KIAA1217: variants seen among roughly 807,000 people sequenced by gnomAD.
KIAA1217 encodes KIAA1217, also known as sickle tail protein homolog.
In KIAA1217, 88 loss-of-function variants were observed where a neutral mutation model predicts 163.9. That is an observed-to-expected ratio of 0.54 (90% confidence interval 0.45 to 0.64). KIAA1217 has a LOEUF of 0.64. Among genes scored for constraint, KIAA1217 ranks in the 30% least tolerant of loss-of-function variants. The pLI, the probability that KIAA1217 is intolerant of heterozygous loss-of-function variation, is 0.00. For missense variants in KIAA1217, 2,372 were observed against 2,475.0 expected (o/e 0.96, Z 0.88); for synonymous variants, 903 against 923.1 (o/e 0.98, Z 0.39).
intron 2 of KIAA1217, among the ~76,000 whole-genome samples, chr10:24,073,342 G>T (rs1589396626): frequency 6.6e-6 from 1 of 152,110 alleles, no homozygotes; most frequent in Non-Finnish European, 1.5e-5. Context: ...CTGTGGAAGA[G>T]GAGGTGCCTA....
chr10:23,697,404 A>G (rs772144404), intron 1 of KIAA1217, among the ~76,000 whole-genome samples: 4 of 152,200 alleles, frequency 2.6e-5, no homozygotes, highest in Non-Finnish European at 4.4e-5. Context: ...TTAAACACAT[A>G]TATGGAAGAC....
chr10:24,501,448 C>T lies in KIAA1217; in HGVS notation c.1904C>T (p.Pro635Leu), dbSNP rs1395972665. The T allele has an allele frequency of 1.2e-6, 2 of 1,613,976 alleles. No homozygotes were observed. The highest frequency in any genetic ancestry group is 2.2e-5 in the East Asian group (1 of 44,888). ...TCCACGGTGCCTCCCAGCCAGCCTC[C>T]ACCTGTGGGCACCTCAGCCATCCAC... ...LESTVPPSQP[P>L]PVGTSAIHMS... is the part of the protein sequence containing the mutation. Residue 635 changes from proline to leucine, a missense_variant, in exon 9 of 21, where the codon CCA (proline) becomes CTA (leucine). Pro to Leu is a moderately conservative substitution (Grantham distance 98). Around this residue, in one of 3 missense-constraint regions of KIAA1217, gnomAD observed 1,431 missense variants for 1,470.3 expected, o/e 0.97. Coordinates refer to ENST00000376454, the MANE Select transcript of KIAA1217 (RefSeq NM_019590.5).
At chr10:23,910,331 A>C (rs1037896035) in intron 1 of KIAA1217, among the ~76,000 whole-genome samples, 3 of 152,116 alleles carry the variant, frequency 2.0e-5, no homozygotes, top group African/African-American at 7.2e-5. Flanking sequence ...CTAAGGGAAA[A>C]AGTAGATAAG....
Position 24,339,378 on chromosome 10 carries a change from T to C in KIAA1217, c.355-41491T>C, listed in dbSNP as rs568820484. Among the ~76,000 whole-genome samples the C allele has an allele frequency of 3.9e-4, 60 of 152,324 alleles. 1 individual carries two copies. The South Asian group carries it at 7.7e-3, about 19-fold the overall frequency. On this transcript the variant is annotated intron_variant, in intron 2 of 20. Transcript: ENST00000376454. Reference sequence around the variant, plus strand: ...CATTAGTTATTACTTAATTTCAATATAAAGAAAATTATACTTCTGAGTGGA... The same window carrying C: ...CATTAGTTATTACTTAATTTCAATACAAAGAAAATTATACTTCTGAGTGGA...
chr10:24,368,933 G>C, intron 2 of KIAA1217: 8 of 817,392 alleles, frequency 9.8e-6, no homozygotes, highest in Non-Finnish European at 1.2e-5. Flanking sequence ...ACTTTATCAA[G>C]TAGATATTCT....
At chr10:24,532,990 G>A in intron 15 of KIAA1217, 80 bp from the exon 16 acceptor site, 1 of 1,309,778 alleles carries the variant, frequency 7.6e-7, no homozygotes, top group Admixed American at 2.1e-5. Context: ...TCTAGACAGT[G>A]AGGGACCATA....
chr10:24,010,473 C>T (rs1427471536), intron 2 of KIAA1217, among the ~76,000 whole-genome samples: 3 of 141,240 alleles, frequency 2.1e-5, no homozygotes, highest in Non-Finnish European at 4.7e-5. Context: ...AATAACTGAT[C>T]GATCCTTTTT....
chr10:23,723,229 G>T (rs1837961425), intron 1 of KIAA1217, among the ~76,000 whole-genome samples: 1 of 151,968 alleles, frequency 6.6e-6, no homozygotes, highest in African/African-American at 2.4e-5. Flanking sequence ...ATCTCTTTCT[G>T]CACTGACTGG....
intron 1 of KIAA1217, among the ~76,000 whole-genome samples, chr10:23,715,260 T>A (rs188293434): frequency 7.2e-5 from 11 of 152,310 alleles, no homozygotes; most frequent in Non-Finnish European, 8.8e-5. Flanking sequence ...CAACTGTTAT[T>A]TGCATGATTA....
At chr10:23,967,496 C>A (rs182087913) in intron 1 of KIAA1217, among the ~76,000 whole-genome samples, 2 of 151,862 alleles carry the variant, frequency 1.3e-5, no homozygotes, top group African/African-American at 2.4e-5. Flanking sequence ...ATACAAATGG[C>A]CAATACATAA....
At chr10:24,247,925 A>C (rs939021053) in intron 2 of KIAA1217, among the ~76,000 whole-genome samples, 6 of 152,266 alleles carry the variant, frequency 3.9e-5, no homozygotes, top group African/African-American at 9.6e-5. Flanking sequence ...CATCATATGC[A>C]TATAACATTT....
chr10:24,442,570 A>C (rs1034510252), intron 5 of KIAA1217, among the ~76,000 whole-genome samples: 11 of 152,088 alleles, frequency 7.2e-5, no homozygotes, highest in African/African-American at 2.7e-4. Flanking sequence ...TGAAGAAAAA[A>C]TTCCTAATCT....
In KIAA1217 at chr10:23,754,961, AC is replaced by A. The variant is rs1454175276; in HGVS notation, c.-321+59728del. Among the ~76,000 whole-genome samples the A allele has an allele frequency of 5.9e-5, 9 of 151,458 alleles. No homozygotes were observed. The South Asian group carries it at 1.0e-3, about 18-fold the overall frequency. ...CAAAGGAAAAGGAATTAAAAAAAAA[AC>A]AATTGGCAAATGATTAAAAACCACC... On this transcript the variant is annotated intron_variant, in intron 1 of 18. Transcript: ENST00000376462.
At chr10:24,450,894 A>T (rs949267940) in intron 5 of KIAA1217, among the ~76,000 whole-genome samples, 1 of 152,218 alleles carries the variant, frequency 6.6e-6, no homozygotes, top group Admixed American at 6.5e-5. Context: ...CAGGTCTGTA[A>T]TCAAATATAG....
intron 2 of KIAA1217, among the ~76,000 whole-genome samples, chr10:24,359,356 G>A (rs937050314): frequency 6.6e-6 from 1 of 152,090 alleles, no homozygotes; most frequent in African/African-American, 2.4e-5. Context: ...GCCTCCCAAA[G>A]TGTCGGGATT....
intron 2 of KIAA1217, among the ~76,000 whole-genome samples, chr10:24,133,444 C>T (rs1485655531): frequency 2.0e-5 from 3 of 151,830 alleles, no homozygotes; most frequent in Non-Finnish European, 4.4e-5. Flanking sequence ...GAGTTGAGTG[C>T]ACCTGTAATC....
intron 6 of KIAA1217, among the ~76,000 whole-genome samples, chr10:24,486,244 C>T (rs933486760): frequency 9.9e-5 from 15 of 152,200 alleles, no homozygotes; most frequent in African/African-American, 3.6e-4. Flanking sequence ...AACATGAGAC[C>T]TTTCACGTCC....
intron 1 of KIAA1217, among the ~76,000 whole-genome samples, chr10:23,840,716 T>A (rs563867018): frequency 3.3e-5 from 5 of 152,336 alleles, no homozygotes; most frequent in Non-Finnish European, 5.9e-5. Flanking sequence ...TATAGATGTG[T>A]TTATTGTAAG....
At chr10:23,946,065 G>T (rs1339010140) in intron 1 of KIAA1217, among the ~76,000 whole-genome samples, 5 of 151,944 alleles carry the variant, frequency 3.3e-5, no homozygotes, top group African/African-American at 7.3e-5. Flanking sequence ...AATAGTTATG[G>T]TTTTTGCCAT....
Sources: gnomAD v4.1 joint callset for allele counts (sites outside exome capture counted in the v4.1 genomes callset) on GRCh38, gnomAD v4.1.1 for gene constraint, gnomAD v4.1.1 regional missense constraint, MANE v1.5 for transcripts, NCBI Gene and HGNC (gene_info 2026-07-23, HGNC 2026-07-21) for gene names.